Variants in NRP1 observed in about 807,000 individuals in gnomAD.
NRP1 encodes the protein neuropilin 1.
NRP1 carries 35 observed loss-of-function variants against 106.7 expected under a neutral mutation model. The ratio of observed to expected loss-of-function variants is 0.33; its 90% CI spans 0.25 to 0.43. NRP1 has a LOEUF of 0.43. Ranked by LOEUF, NRP1 falls within the 20% of genes least tolerant of loss-of-function variation. The pLI is 1.00. For missense variants in NRP1, 1,024 were observed against 1,170.4 expected, an observed-to-expected ratio of 0.87 and a Z score of 1.83; for synonymous variants, 437 against 417.9, an observed-to-expected ratio of 1.05 and a Z score of -0.56.
At chr10:33,313,964 C>G (rs1846808312) in intron 2 of NRP1, among the ~76,000 whole-genome samples, 1 of 151,734 alleles carries the variant, frequency 6.6e-6, no homozygotes, top group African/African-American at 2.4e-5. Context: ...TTCCCTCCCT[C>G]TCTCCCTCCT....
intron 5 of NRP1, 132 bp from the exon 6 acceptor site, chr10:33,254,326 T>A: frequency 1.4e-6 from 1 of 701,414 alleles, no homozygotes; most frequent in South Asian, 2.1e-5. Context: ...AGGGACTTAT[T>A]GGAATATAGC....
chr10:33,196,805 G>A (rs1461430099), intron 12 of NRP1, among the ~76,000 whole-genome samples: 1 of 152,124 alleles, frequency 6.6e-6, no homozygotes, highest in Non-Finnish European at 1.5e-5. Context: ...TACCATAGAG[G>A]AAACATTGAT....
At chr10:33,325,165 A>G (rs1369766861) in intron 2 of NRP1, among the ~76,000 whole-genome samples, 3 of 152,160 alleles carry the variant, frequency 2.0e-5, no homozygotes, top group African/African-American at 7.2e-5. Context: ...ATTTTTCTAA[A>G]TATATATTAT....
At chr10:33,258,072 A>G (rs1400126391) in intron 4 of NRP1, among the ~76,000 whole-genome samples, 1 of 152,180 alleles carries the variant, frequency 6.6e-6, no homozygotes, top group African/African-American at 2.4e-5. Context: ...CGGCTGATGA[A>G]GGCCAGGAGA....
At chr10:33,300,204 G>T (rs371539073) in intron 2 of NRP1, among the ~76,000 whole-genome samples, 1 of 152,122 alleles carries the variant, frequency 6.6e-6, no homozygotes, top group Non-Finnish European at 1.5e-5. Context: ...AATCACCAAC[G>T]AGCTTTCAAG....
At chr10:33,313,651 G>A (rs1197737252) in intron 2 of NRP1, among the ~76,000 whole-genome samples, 1 of 152,112 alleles carries the variant, frequency 6.6e-6, no homozygotes, top group Non-Finnish European at 1.5e-5. Flanking sequence ...AAGAGACAAA[G>A]GCCCAGAAAG....
chr10:33,253,271 G>A (rs1841987198), intron 6 of NRP1, among the ~76,000 whole-genome samples: 3 of 152,164 alleles, frequency 2.0e-5, no homozygotes, highest in South Asian at 4.1e-4. Flanking sequence ...TAGGAGTGGT[G>A]CCGGCGATGA....
intron 2 of NRP1, among the ~76,000 whole-genome samples, chr10:33,276,025 T>C (rs1314909592): frequency 6.6e-6 from 1 of 152,168 alleles, no homozygotes; most frequent in East Asian, 1.9e-4. Context: ...ATATACAGTG[T>C]ATTCTCAACT....
chr10:33,250,709 T>C (rs1394574567), intron 6 of NRP1, among the ~76,000 whole-genome samples: 2 of 152,194 alleles, frequency 1.3e-5, no homozygotes, highest in African/African-American at 4.8e-5. Flanking sequence ...ACTTCAGCAA[T>C]CTCGTTTTTA....
intron 15 of NRP1, 104 bp from the exon 16 acceptor site, chr10:33,182,852 C>T: frequency 5.0e-6 from 4 of 806,980 alleles, no homozygotes; most frequent in South Asian, 2.9e-5. Flanking sequence ...CACACACACA[C>T]ACACACACAC....
chr10:33,289,826 C>T (rs1054399372), intron 2 of NRP1, among the ~76,000 whole-genome samples: 8 of 152,230 alleles, frequency 5.3e-5, no homozygotes, highest in African/African-American at 1.9e-4. Context: ...ACACACAATT[C>T]ATTCTCTTTT....
intron 2 of NRP1, among the ~76,000 whole-genome samples, chr10:33,285,480 G>C (rs1429838269): frequency 6.6e-6 from 1 of 152,148 alleles, no homozygotes; most frequent in East Asian, 1.9e-4. Context: ...ATTTTTTCGT[G>C]ATCATTAGGA....
At chr10:33,285,153 A>C (rs965758194) in intron 2 of NRP1, among the ~76,000 whole-genome samples, 1 of 152,228 alleles carries the variant, frequency 6.6e-6, no homozygotes, top group Non-Finnish European at 1.5e-5. Context: ...ACTTAGTAAA[A>C]AGAGCTCAAC....
chr10:33,310,404 C>G (rs532650295), intron 2 of NRP1, among the ~76,000 whole-genome samples: 18 of 152,114 alleles, frequency 1.2e-4, no homozygotes, highest in African/African-American at 4.3e-4. Flanking sequence ...GTGTGCACCA[C>G]CACGCCTAGC....
chr10:33,270,164 T>G (rs1342384708), intron 3 of NRP1, among the ~76,000 whole-genome samples: 1 of 152,140 alleles, frequency 6.6e-6, no homozygotes, highest in Non-Finnish European at 1.5e-5. Flanking sequence ...CATTTTTTTT[T>G]TCAATTTTAA....
At chr10:33,269,489 A>T (rs1843146115) in intron 3 of NRP1, among the ~76,000 whole-genome samples, 1 of 152,184 alleles carries the variant, frequency 6.6e-6, no homozygotes, top group African/African-American at 2.4e-5. Context: ...AAGAAATCAG[A>T]CTTCAAGGAT....
intron 8 of NRP1, among the ~76,000 whole-genome samples, chr10:33,220,900 CAAAA>C (rs35895871): frequency 1.6e-5 from 1 of 60,662 alleles, no homozygotes; most frequent in Non-Finnish European, 2.9e-5. Context: ...GGCTCAGTCT[CAAAA>C]AAAAAAAAAA....
chr10:33,278,404 C>T (rs949710796), intron 2 of NRP1, among the ~76,000 whole-genome samples: 1 of 152,108 alleles, frequency 6.6e-6, no homozygotes, highest in Admixed American at 6.5e-5. Context: ...CTGGGAAGAA[C>T]GTGGTGCTAA....
chr10:33,221,206 G>A (rs1839216640), intron 8 of NRP1, among the ~76,000 whole-genome samples: 2 of 152,158 alleles, frequency 1.3e-5, no homozygotes, highest in African/African-American at 2.4e-5. Context: ...GCAAGACCCT[G>A]TCTCAAAATA....
Sources: allele counts gnomAD v4.1 joint callset (sites outside exome capture counted in the v4.1 genomes callset), GRCh38; gene constraint gnomAD v4.1.1; transcripts MANE v1.5; gene names NCBI Gene and HGNC (gene_info 2026-07-23, HGNC 2026-07-21).